Variants in TENM2 observed in about 807,000 individuals in gnomAD.
The protein encoded by TENM2 is teneurin-2.
TENM2 carries 52 observed loss-of-function variants against 245.2 expected under a neutral mutation model. The observed-to-expected ratio is 0.21, with a 90% confidence interval of 0.17 to 0.27. The LOEUF (loss-of-function observed/expected upper bound fraction) is 0.27. Ranked by LOEUF, TENM2 falls within the 10% of genes least tolerant of loss-of-function variation. The pLI, the probability that TENM2 is intolerant of heterozygous loss-of-function variation, is 1.00. For missense variants in TENM2, 3,046 were observed against 3,666.8 expected (o/e 0.83, Z 4.37); for synonymous variants, 1,363 against 1,438.9 (o/e 0.95, Z 1.19).
rs554207150 is a variant in TENM2 at position 168,165,338 on chromosome 5, G to A, written c.2569+2581G>A. On this transcript the variant is annotated intron_variant, in intron 13 of 28. Coordinates refer to ENST00000518659, the Ensembl canonical transcript of TENM2. Reference sequence around the variant, plus strand: ...CCCTGGCGATTTCATTGAGCACAGCGGTTGCTTACAGATCAGCTTCTACTT... The same window carrying A: ...CCCTGGCGATTTCATTGAGCACAGCAGTTGCTTACAGATCAGCTTCTACTT... 9.9e-5 allele frequency among the ~76,000 whole-genome samples: 15 copies of A among 152,222 alleles called. No individual in the cohort carries two copies. The South Asian group carries it at 2.7e-3, about 27-fold the overall frequency.
At chr5:167,076,884 A>G in the TENM2 span, among the ~76,000 whole-genome samples, 1 of 152,158 alleles carries the variant, frequency 6.6e-6, no homozygotes, top group Non-Finnish European at 1.5e-5. Flanking sequence ...TCTGTTGCCC[A>G]GGCTGGAGTG....
At chr5:168,172,437 A>G (rs1258402018) in intron 13 of TENM2, among the ~76,000 whole-genome samples, 2 of 152,170 alleles carry the variant, frequency 1.3e-5, no homozygotes, top group Non-Finnish European at 2.9e-5. Flanking sequence ...CAATCCCCAC[A>G]AGAGCCCTGG....
chr5:167,616,178 G>A (rs1202056200), intron 2 of TENM2, among the ~76,000 whole-genome samples: 1 of 152,118 alleles, frequency 6.6e-6, no homozygotes, highest in Non-Finnish European at 1.5e-5. Flanking sequence ...CCTAGTTGTT[G>A]CTTCACCAGA....
rs758752550 is a variant in TENM2, at chr5:168,247,137, G to A, written c.6198G>A (p.Arg2066=). Residue 2066 remains arginine (R), a synonymous_variant, in exon 27 of 29, where the codon CGG becomes CGA. Transcript: ENST00000518659. The surrounding 1 kb of genome is among the most constrained non-coding windows in gnomAD (Gnocchi z 7.8). ...GCTTCTCCTGCACCATCAGGTACCG[G>A]AAGATTGGCCCCCTGGTGGACAAGC... is the stretch of plus-strand genomic sequence containing the variant. 6.2e-7 allele frequency: 1 copy of A among 1,613,726 alleles called. No homozygotes were observed. Among genetic ancestry groups the A allele is most frequent in the African/African-American group, 1.3e-5 (1 of 74,870 alleles).
chr5:167,373,423 G>A (rs1164237574), intron 1 of TENM2, among the ~76,000 whole-genome samples: 1 of 152,188 alleles, frequency 6.6e-6, no homozygotes, highest in African/African-American at 2.4e-5. Flanking sequence ...TACGTAGAGT[G>A]GGTAAACTCT....
intron 2 of TENM2, among the ~76,000 whole-genome samples, chr5:167,504,069 G>A (rs928360405): frequency 3.9e-5 from 6 of 152,072 alleles, no homozygotes; most frequent in Non-Finnish European, 8.8e-5. Context: ...ATTAACTTGG[G>A]AACTTCTTTA....
chr5:167,591,439 C>G (rs562572222), intron 2 of TENM2, among the ~76,000 whole-genome samples: 3 of 152,126 alleles, frequency 2.0e-5, no homozygotes, highest in Non-Finnish European at 4.4e-5. Context: ...ATTGAATACT[C>G]AAATCGGGCA....
chr5:167,607,297 G>C (rs1335271403), intron 2 of TENM2, among the ~76,000 whole-genome samples: 1 of 152,188 alleles, frequency 6.6e-6, no homozygotes, highest in African/African-American at 2.4e-5. Flanking sequence ...AGGGGCAGCT[G>C]TTTACACTCA....
the TENM2 span, among the ~76,000 whole-genome samples, chr5:167,263,194 G>C: frequency 6.6e-6 from 1 of 152,196 alleles, no homozygotes; most frequent in Non-Finnish European, 1.5e-5. Flanking sequence ...AGACTTGCTA[G>C]CGTGTATGAG....
the TENM2 span, among the ~76,000 whole-genome samples, chr5:167,263,436 A>T: frequency 6.6e-6 from 1 of 152,196 alleles, no homozygotes; most frequent in African/African-American, 2.4e-5. Context: ...CACCCCAGTG[A>T]AAACATTAGC....
intron 2 of TENM2, among the ~76,000 whole-genome samples, chr5:167,383,874 A>G (rs7724361): frequency 0.56 from 85,210 of 151,736 alleles, 25,538 homozygotes; most frequent in African/African-American, 0.79. Flanking sequence ...CACACATAGC[A>G]TATATGAACA....
chr5:168,147,161 A>G (rs961433341), intron 12 of TENM2, among the ~76,000 whole-genome samples: 6 of 152,388 alleles, frequency 3.9e-5, no homozygotes, highest in Admixed American at 2.6e-4. Flanking sequence ...CATTAAATTA[A>G]TTATTCAAAA....
the TENM2 span, among the ~76,000 whole-genome samples, chr5:167,059,360 T>G: frequency 6.6e-6 from 1 of 152,210 alleles, no homozygotes; most frequent in Non-Finnish European, 1.5e-5. Context: ...GGGGTGATAA[T>G]GTTCCTATTC....
chr5:168,153,877 C>T (rs1271914673), intron 12 of TENM2, among the ~76,000 whole-genome samples: 1 of 151,986 alleles, frequency 6.6e-6, no homozygotes, highest in Non-Finnish European at 1.5e-5. Flanking sequence ...GGAGAAACTC[C>T]CGGAGGATGT....
chr5:167,293,725 T>C (rs2127723949), intron 1 of TENM2, among the ~76,000 whole-genome samples: 1 of 152,296 alleles, frequency 6.6e-6, no homozygotes, highest in African/African-American at 2.4e-5. Context: ...TCTTCTGGAA[T>C]GTTGGACATA....
intron 2 of TENM2, among the ~76,000 whole-genome samples, chr5:167,428,796 C>T (rs1277624073): frequency 1.3e-5 from 2 of 152,178 alleles, no homozygotes; most frequent in South Asian, 2.1e-4. Flanking sequence ...CAATCGAGGC[C>T]GAGCTCAGTG....
intron 4 of TENM2, among the ~76,000 whole-genome samples, chr5:167,960,095 G>A (rs1780884006): frequency 6.6e-6 from 1 of 152,210 alleles, no homozygotes; most frequent in Admixed American, 6.5e-5. Context: ...CCCACCAGAT[G>A]CCAGCTGGAG....
At chr5:168,253,361 G>A (rs1767308380) in intron 27 of TENM2, among the ~76,000 whole-genome samples, 1 of 151,718 alleles carries the variant, frequency 6.6e-6, no homozygotes, top group South Asian at 2.1e-4. Flanking sequence ...CATGTAAAGT[G>A]CCTAGCACAG....
intron 14 of TENM2, among the ~76,000 whole-genome samples, chr5:168,194,000 G>A (rs546158930): frequency 6.6e-6 from 1 of 152,280 alleles, no homozygotes; most frequent in South Asian, 2.1e-4. Context: ...AACAGCTGGG[G>A]GTATTGCTAA....
Sources: gnomAD v4.1 joint callset for allele counts (sites outside exome capture counted in the v4.1 genomes callset) on GRCh38, gnomAD v4.1.1 for gene constraint, Gnocchi (gnomAD v3.1) non-coding constraint, MANE v1.5 for transcripts, NCBI Gene and HGNC (gene_info 2026-07-23, HGNC 2026-07-21) for gene names.